CHST9: variants seen among roughly 807,000 people sequenced by gnomAD.
CHST9 encodes carbohydrate sulfotransferase 9.
Under a neutral mutation model 44.4 loss-of-function variants are expected in CHST9, and 41 were observed. The observed-to-expected ratio is 0.92, with a 90% CI of 0.72 to 1.20. The LOEUF is 1.20. Among genes scored for constraint, CHST9 ranks in the 50% most tolerant of loss-of-function variants. The pLI is 0.00. For synonymous variants in CHST9, 171 were observed against 178.4 expected (o/e 0.96, Z 0.33); for missense variants, 504 against 516.5 (o/e 0.98, Z 0.23).
intron 4 of CHST9, among the ~76,000 whole-genome samples, chr18:26,958,303 T>A (rs190060165): frequency 2.4e-3 from 364 of 152,244 alleles, no homozygotes; most frequent in Middle Eastern, 3.4e-3. Context: ...TAAATTTGCT[T>A]ATAGTTGTTT....
At chr18:26,959,649 A>G (rs909513095) in intron 4 of CHST9, among the ~76,000 whole-genome samples, 1 of 152,230 alleles carries the variant, frequency 6.6e-6, no homozygotes, top group Admixed American at 6.5e-5. Context: ...GGAATGTCTA[A>G]GGAACAGTAA....
rs377359557 is a variant in CHST9 at position 27,182,291 on chromosome 18, A to G, written c.-97+2845T>C. Reference sequence around the variant, plus strand: ...TTTTAAAGGCAACTTTACTTTCAAAATTATCTGTAGTTTGGGTTTATTCTG... The same window carrying G: ...TTTTAAAGGCAACTTTACTTTCAAAGTTATCTGTAGTTTGGGTTTATTCTG... On this transcript the variant is annotated intron_variant, in intron 1 of 5. Transcript: ENST00000618847. Among the ~76,000 whole-genome samples, 6 of 150,532 alleles carry G rather than the reference A, an allele frequency of 4.0e-5. No individual in the cohort carries two copies. In the East Asian group the frequency reaches 9.9e-4, roughly 25 times the overall value.
At chr18:27,179,061 T>C (rs973349827) in intron 1 of CHST9, among the ~76,000 whole-genome samples, 31 of 71,888 alleles carry the variant, frequency 4.3e-4, no homozygotes, top group African/African-American at 1.7e-3. Context: ...CGTACATGCA[T>C]ACATGTGTGT....
intron 4 of CHST9, among the ~76,000 whole-genome samples, chr18:26,973,516 C>T (rs1786631): frequency 3.9e-5 from 6 of 152,120 alleles, no homozygotes; most frequent in Admixed American, 3.3e-4. Context: ...AGGCGGCATG[C>T]GGCCCAGAAT....
At chr18:27,013,258 C>A (rs2057106831) in intron 4 of CHST9, among the ~76,000 whole-genome samples, 2 of 152,338 alleles carry the variant, frequency 1.3e-5, no homozygotes, top group South Asian at 4.1e-4. Context: ...CATGTAATAG[C>A]AATAGCTAGT....
At chr18:27,026,515 C>T (rs968471974) in intron 3 of CHST9, among the ~76,000 whole-genome samples, 3 of 152,152 alleles carry the variant, frequency 2.0e-5, no homozygotes, top group African/African-American at 7.2e-5. Flanking sequence ...TCCTCTCCCA[C>T]ATCTCAATAA....
intron 2 of CHST9, among the ~76,000 whole-genome samples, chr18:27,070,078 T>C (rs1296352928): frequency 6.6e-6 from 1 of 152,214 alleles, no homozygotes; most frequent in Non-Finnish European, 1.5e-5. Context: ...CATAAAAAGT[T>C]AATTCCAGAA....
At chr18:26,937,640 T>G (rs1366327987) in intron 5 of CHST9, among the ~76,000 whole-genome samples, 1 of 152,212 alleles carries the variant, frequency 6.6e-6, no homozygotes, top group South Asian at 2.1e-4. Flanking sequence ...TATTTAATCC[T>G]GGCATGACCA....
intron 1 of CHST9, among the ~76,000 whole-genome samples, chr18:27,154,008 C>T (rs140121956): frequency 6.6e-6 from 1 of 152,228 alleles, no homozygotes; most frequent in Non-Finnish European, 1.5e-5. Flanking sequence ...AGCTGAGAAA[C>T]CTGTAGAGAA....
intron 2 of CHST9, among the ~76,000 whole-genome samples, chr18:27,090,642 C>T (rs1568168298): frequency 6.6e-6 from 1 of 152,158 alleles, no homozygotes; most frequent in Non-Finnish European, 1.5e-5. Context: ...AGGAAGGGAT[C>T]CAGTTTCAGC....
At chr18:27,005,736 G>A (rs919793762) in intron 4 of CHST9, among the ~76,000 whole-genome samples, 3 of 152,114 alleles carry the variant, frequency 2.0e-5, no homozygotes, top group African/African-American at 7.2e-5. Flanking sequence ...CTCCAGGGGA[G>A]GCATCAACAT....
Position 26,916,119 on chromosome 18 carries a change from C to G in CHST9, c.*140G>C. 1 of 690,064 alleles carries G rather than the reference C, an allele frequency of 1.4e-6. No homozygotes were observed. The highest frequency in any genetic ancestry group is 2.4e-6 in the Non-Finnish European group (1 of 418,604). 42.7% of individuals were successfully genotyped at this position (690,064 alleles called of 1,614,324 possible). ...TAACTTTGTGCCAATTGGTGTCATA[C>G]TATTTGGTAAAAATCTACATTAAAT... On this transcript the variant is annotated 3_prime_UTR_variant, in exon 6 of 6. Coordinates refer to ENST00000618847, the MANE Select transcript of CHST9 (RefSeq NM_031422.6).
In CHST9 at chr18:26,914,075, T is replaced by C. The variant is rs1266704103; in HGVS notation, c.*2184A>G. On this transcript the variant is annotated 3_prime_UTR_variant, in exon 6 of 6. Transcript: ENST00000618847. Reference sequence around the variant, plus strand: ...GTTGGAAAGGGTCAGGAAAGGAACATATACAGCAAAAGGTACAATACAGCT... The same window carrying C: ...GTTGGAAAGGGTCAGGAAAGGAACACATACAGCAAAAGGTACAATACAGCT... 6.6e-6 allele frequency: 1 copy of C among 152,112 alleles called. No homozygotes were observed. The highest frequency in any genetic ancestry group is 6.6e-5 in the Admixed American group (1 of 15,248). The allele number at this position is 152,112 out of a possible 1,614,324, so 9.4% of individuals were successfully genotyped here. A position where few individuals can be genotyped will look rare whatever the true frequency, so the allele number is the denominator to read the frequency against.
chr18:27,139,013 T>C (rs1420441600), intron 2 of CHST9, among the ~76,000 whole-genome samples: 1 of 152,208 alleles, frequency 6.6e-6, no homozygotes, highest in African/African-American at 2.4e-5. Context: ...ATTGCATAAT[T>C]GGATAGATTT....
At chr18:26,988,138 G>C (rs1767991741) in intron 4 of CHST9, among the ~76,000 whole-genome samples, 1 of 151,910 alleles carries the variant, frequency 6.6e-6, no homozygotes. Flanking sequence ...CTGACAAAGG[G>C]AAAAAGGGAA....
chr18:27,133,103 G>A (rs1320766217), intron 2 of CHST9, among the ~76,000 whole-genome samples: 4 of 152,116 alleles, frequency 2.6e-5, no homozygotes, highest in Admixed American at 2.6e-4. Flanking sequence ...ATCATGTGTG[G>A]TACACTAGGA....
At chr18:27,064,428 T>C (rs1378166211) in intron 2 of CHST9, among the ~76,000 whole-genome samples, 1 of 152,122 alleles carries the variant, frequency 6.6e-6, no homozygotes, top group African/African-American at 2.4e-5. Context: ...ATCAGAGCAG[T>C]GACATTTTTG....
At chr18:27,172,616 A>G (rs11662578) in intron 1 of CHST9, among the ~76,000 whole-genome samples, 107,649 of 151,802 alleles carry the variant, frequency 0.71, 38,365 homozygotes, top group East Asian at 0.77. Flanking sequence ...ATATAAGCTG[A>G]AGATGAACTG....
chr18:27,099,560 C>T (rs1271596063), intron 2 of CHST9, among the ~76,000 whole-genome samples: 2 of 151,766 alleles, frequency 1.3e-5, no homozygotes. Context: ...AAGACATGAA[C>T]AGACACTTCT....
Sources: gnomAD v4.1 joint callset for allele counts (sites outside exome capture counted in the v4.1 genomes callset) on GRCh38, gnomAD v4.1.1 for gene constraint, MANE v1.5 for transcripts, NCBI Gene and HGNC (gene_info 2026-07-23, HGNC 2026-07-21) for gene names.